Variants in RBFOX2 observed in about 807,000 individuals in gnomAD.
RBFOX2 encodes the protein RNA binding fox-1 homolog 2.
Under a neutral mutation model 49.1 loss-of-function variants are expected in RBFOX2, and 10 were observed. The observed-to-expected ratio is 0.20, with a 90% CI of 0.13 to 0.35. The LOEUF (loss-of-function observed/expected upper bound fraction) is 0.35. RBFOX2 is among the 10% of genes least tolerant of loss of function. The pLI, the probability that RBFOX2 is intolerant of heterozygous loss-of-function variation, is 1.00. For missense variants in RBFOX2, 323 were observed against 486.9 expected (o/e 0.66, Z 3.17); for synonymous variants, 183 against 187.4 (o/e 0.98, Z 0.19).
At chr22:35,980,908 C>T (rs891535863) in intron 1 of RBFOX2, among the ~76,000 whole-genome samples, 7 of 151,950 alleles carry the variant, frequency 4.6e-5, no homozygotes, top group South Asian at 2.1e-4. Flanking sequence ...TGACTTTGCA[C>T]GCTTATGTAT....
At chr22:35,913,401 T>C (rs1308378483) in intron 1 of RBFOX2, among the ~76,000 whole-genome samples, 5 of 151,732 alleles carry the variant, frequency 3.3e-5, no homozygotes, top group Admixed American at 6.6e-5. Flanking sequence ...ATCAGATGGC[T>C]AGGATAATTT....
intron 1 of RBFOX2, among the ~76,000 whole-genome samples, chr22:35,955,462 T>A (rs6000044): frequency 0.029 from 4,440 of 152,146 alleles, 212 homozygotes; most frequent in African/African-American, 0.1. Context: ...TCTACAAATA[T>A]TTTTAACATC....
At chr22:36,001,384 ATTCTT>A (rs2058418893) in intron 1 of RBFOX2, among the ~76,000 whole-genome samples, 1 of 152,226 alleles carries the variant, frequency 6.6e-6, no homozygotes, top group Admixed American at 6.5e-5. Flanking sequence ...GAAAAAAACA[ATTCTT>A]TTGAACCTGA....
intron 1 of RBFOX2, among the ~76,000 whole-genome samples, chr22:35,972,092 T>C (rs998885455): frequency 6.6e-6 from 1 of 151,880 alleles, no homozygotes; most frequent in Non-Finnish European, 1.5e-5. Flanking sequence ...TATAAGAACA[T>C]AAAGCATTCA....
intron 1 of RBFOX2, chr22:35,994,302 A>G (rs2058096326): frequency 6.6e-6 from 1 of 152,100 alleles, no homozygotes; most frequent in African/African-American, 2.4e-5. Context: ...ATCTCAACAT[A>G]GTATCTTACA....
chr22:35,906,177 A>G (rs2061088885), intron 1 of RBFOX2, among the ~76,000 whole-genome samples: 1 of 152,190 alleles, frequency 6.6e-6, no homozygotes, highest in African/African-American at 2.4e-5. Context: ...TGGTTTTAAA[A>G]CCAGTGGTTT....
chr22:35,898,654 C>G (rs2149430803), intron 1 of RBFOX2, among the ~76,000 whole-genome samples: 1 of 152,044 alleles, frequency 6.6e-6, no homozygotes, highest in East Asian at 1.9e-4. Flanking sequence ...TCTTGAACTC[C>G]TGACCTCAAG....
intron 2 of RBFOX2, among the ~76,000 whole-genome samples, chr22:35,791,925 T>C (rs1476070977): frequency 6.6e-6 from 1 of 152,196 alleles, no homozygotes; most frequent in Non-Finnish European, 1.5e-5. Flanking sequence ...AAATGTGTCA[T>C]TCAAGAATAA....
chr22:35,997,682 G>A (rs1426564208), intron 1 of RBFOX2: 1 of 152,158 alleles, frequency 6.6e-6, no homozygotes, highest in East Asian at 1.9e-4. Flanking sequence ...ACTTCCCTTG[G>A]CCTCCCAGGC....
Position 36,026,563 on chromosome 22 carries a change from C to T in RBFOX2, c.186+1677G>A, listed in dbSNP as rs1392532538. 4.0e-5 allele frequency among the ~76,000 whole-genome samples: 6 copies of T among 151,884 alleles called. No individual in the cohort carries two copies. In the East Asian group the frequency reaches 1.2e-3, roughly 29 times the overall value. ...ACATACACACACACACACACACACA[C>T]ACACACACACCAAGTAGAACCTGCT... On this transcript the variant is annotated intron_variant, in intron 1 of 13. Coordinates refer to the RBFOX2 transcript ENST00000438146.
chr22:35,864,872 A>T (rs2043490499), intron 1 of RBFOX2, among the ~76,000 whole-genome samples: 1 of 152,238 alleles, frequency 6.6e-6, no homozygotes, highest in Admixed American at 6.5e-5. Context: ...TTCTAAACTG[A>T]AATAACATCC....
At chr22:35,945,444 T>C (rs1011816206) in intron 1 of RBFOX2, among the ~76,000 whole-genome samples, 6 of 152,010 alleles carry the variant, frequency 3.9e-5, no homozygotes, top group African/African-American at 1.4e-4. Flanking sequence ...GAAAAAAATA[T>C]ATACCTTTTT....
intron 1 of RBFOX2, among the ~76,000 whole-genome samples, chr22:36,025,322 C>T (rs1439868008): frequency 1.3e-5 from 2 of 152,084 alleles, no homozygotes; most frequent in African/African-American, 4.8e-5. Context: ...TGGCCCATTA[C>T]CTCACTTCAC....
At chr22:35,925,061 G>A (rs940556392) in intron 1 of RBFOX2, among the ~76,000 whole-genome samples, 2 of 151,798 alleles carry the variant, frequency 1.3e-5, no homozygotes, top group African/African-American at 2.4e-5. Flanking sequence ...ACGTGGTGGC[G>A]CATACTTGTA....
intron 1 of RBFOX2, among the ~76,000 whole-genome samples, chr22:35,877,879 A>C (rs572969002): frequency 6.6e-6 from 1 of 152,276 alleles, no homozygotes; most frequent in African/African-American, 2.4e-5. Flanking sequence ...CAGGTAAAAA[A>C]ACCTCTAGAA....
At chr22:36,005,003 A>C (rs2058568004) in intron 1 of RBFOX2, among the ~76,000 whole-genome samples, 1 of 152,184 alleles carries the variant, frequency 6.6e-6, no homozygotes, top group Non-Finnish European at 1.5e-5. Context: ...GAGTTCCTCT[A>C]ACATAAGCTC....
chr22:35,983,468 A>G (rs146960669), intron 1 of RBFOX2, among the ~76,000 whole-genome samples: 69 of 152,304 alleles, frequency 4.5e-4, no homozygotes, highest in African/African-American at 1.6e-3. Flanking sequence ...CTATTGAAGA[A>G]AACTATAATA....
chr22:35,906,834 C>CA (rs1274834958), intron 1 of RBFOX2, among the ~76,000 whole-genome samples: 4 of 151,198 alleles, frequency 2.6e-5, no homozygotes, highest in African/African-American at 9.7e-5. Context: ...AACAAACAAA[C>CA]AAAAAACCAA....
At chr22:35,864,861 C>T (rs1300783089) in intron 1 of RBFOX2, among the ~76,000 whole-genome samples, 1 of 152,230 alleles carries the variant, frequency 6.6e-6, no homozygotes, top group Non-Finnish European at 1.5e-5. Flanking sequence ...TGACTAAGAG[C>T]TTCTAAACTG....
Sources: gnomAD v4.1 joint callset for allele counts (sites outside exome capture counted in the v4.1 genomes callset) on GRCh38, gnomAD v4.1.1 for gene constraint, MANE v1.5 for transcripts, NCBI Gene and HGNC (gene_info 2026-07-23, HGNC 2026-07-21) for gene names.